The following FLYWCH1 variants were observed in gnomAD, a reference collection of about 807,000 sequenced individuals.
FLYWCH1 encodes FLYWCH-type zinc finger 1, also known as FLYWCH-type zinc finger-containing protein 1.
A neutral mutation model predicts 66.4 loss-of-function variants in FLYWCH1; 75 were observed. That is an observed-to-expected ratio of 1.13 (90% CI 0.94 to 1.37). The LOEUF (loss-of-function observed/expected upper bound fraction) is 1.37. Among genes scored for constraint, FLYWCH1 ranks in the 40% most tolerant of loss-of-function variants. FLYWCH1 has a pLI of 0.00. For missense variants in FLYWCH1, 1,334 were observed against 1,001.8 expected (o/e 1.33, Z -4.48); for synonymous variants, 595 against 429.9 (o/e 1.38, Z -4.75).
At chr16:2,947,819 G>C (rs954498464) in intron 9 of FLYWCH1, among the ~76,000 whole-genome samples, 1 of 150,544 alleles carries the variant, frequency 6.6e-6, no homozygotes, top group Non-Finnish European at 1.5e-5. Context: ...GATCACATGA[G>C]TTCAGGAGTT....
At chr16:2,920,841 T>A (rs2070345984) in intron 2 of FLYWCH1, among the ~76,000 whole-genome samples, 1 of 5,882 alleles carries the variant, frequency 1.7e-4, no homozygotes, top group Non-Finnish European at 6.4e-4. Flanking sequence ...ACGCCTGGCC[T>A]TTTTTTTTTT....
At chr16:2,924,935 C>A (rs544994845) in intron 2 of FLYWCH1, among the ~76,000 whole-genome samples, 1 of 152,220 alleles carries the variant, frequency 6.6e-6, no homozygotes, top group Admixed American at 6.5e-5. Context: ...GCGCTCTCTC[C>A]TGTCACTTCC....
At chr16:2,948,642 A>G (rs767166158) in intron 9 of FLYWCH1, 46 bp from the exon 10 acceptor site, 3 of 1,592,358 alleles carry the variant, frequency 1.9e-6, no homozygotes. Flanking sequence ...ATCTATTTCC[A>G]CCATGTTTTG....
chr16:2,936,153 C>A (rs112047133), intron 6 of FLYWCH1: 1 of 310,412 alleles, frequency 3.2e-6, no homozygotes, highest in East Asian at 9.1e-5. Flanking sequence ...CCTCGTGATC[C>A]GCCTGCCTCG....
intron 2 of FLYWCH1, among the ~76,000 whole-genome samples, chr16:2,918,368 C>G (rs1325579683): frequency 6.6e-6 from 1 of 151,830 alleles, no homozygotes. Flanking sequence ...AGGATGGTCT[C>G]GATCTCCTGA....
At position 2,933,846 on chromosome 16, in the gene FLYWCH1, C is replaced by A; in HGVS notation, c.1380C>A (p.Cys460Ter). ...WTCRDQARMG[C>*]RSRAITQGRR... is the part of the protein sequence containing the mutation. Reference sequence around the variant, plus strand: ...GCCGGGACCAGGCCCGCATGGGCTGCCGCAGCCGCGCCATCACCCAGGGCC... The same window carrying A: ...GCCGGGACCAGGCCCGCATGGGCTGACGCAGCCGCGCCATCACCCAGGGCC... The change falls in exon 6 of 10, where the codon TGC becomes TGA. Residue 460 changes from cysteine (C) to a stop codon, truncating the protein, a stop_gained. Coordinates refer to ENST00000253928, the MANE Select transcript of FLYWCH1 (RefSeq NM_001308068.2). LOFTEE classifies it high-confidence loss of function. 2 of 1,607,740 alleles carry A rather than the reference C, an allele frequency of 1.2e-6. No homozygotes were observed. Among genetic ancestry groups the A allele is most frequent in the African/African-American group, 1.3e-5 (1 of 74,916 alleles).
At chr16:2,948,432 A>C (rs1168221755) in intron 9 of FLYWCH1, among the ~76,000 whole-genome samples, 1 of 150,956 alleles carries the variant, frequency 6.6e-6, no homozygotes, top group Non-Finnish European at 1.5e-5. Context: ...GCATGATGGC[A>C]TGCACCTGTA....
chr16:2,918,271 C>T (rs2070243806), intron 2 of FLYWCH1, among the ~76,000 whole-genome samples: 1 of 151,878 alleles, frequency 6.6e-6, no homozygotes, highest in Admixed American at 6.6e-5. Context: ...CCTCAGCCTC[C>T]CGAGTAGCTG....
intron 1 of FLYWCH1, among the ~76,000 whole-genome samples, chr16:2,912,573 G>T (rs917092514): frequency 5.3e-5 from 8 of 152,278 alleles, no homozygotes; most frequent in Admixed American, 3.9e-4. Context: ...TTCGAACTTT[G>T]TTGACCCACA....
chr16:2,934,574 G>A (rs916919471), intron 6 of FLYWCH1: 7 of 446,784 alleles, frequency 1.6e-5, no homozygotes, highest in South Asian at 4.8e-5. Flanking sequence ...CCATTTCATC[G>A]TGGCCTCCTC....
At chr16:2,919,562 C>T (rs886070755) in intron 2 of FLYWCH1, among the ~76,000 whole-genome samples, 6 of 152,100 alleles carry the variant, frequency 3.9e-5, no homozygotes, top group Non-Finnish European at 5.9e-5. Flanking sequence ...CCGCGTCTGG[C>T]CTATTTTTTG....
intron 2 of FLYWCH1, among the ~76,000 whole-genome samples, chr16:2,919,888 C>G (rs767178009): frequency 6.6e-6 from 1 of 152,056 alleles, no homozygotes; most frequent in Non-Finnish European, 1.5e-5. Flanking sequence ...TTTAAATTTG[C>G]GCTTCCCCCG....
chr16:2,947,476 C>T (rs867007246), intron 9 of FLYWCH1, among the ~76,000 whole-genome samples: 9 of 152,092 alleles, frequency 5.9e-5, no homozygotes, highest in African/African-American at 2.2e-4. Flanking sequence ...AAGCAAAAAT[C>T]CCAGCCAGGT....
At chr16:2,942,231 G>C (rs2071297995) in intron 9 of FLYWCH1, among the ~76,000 whole-genome samples, 1 of 152,080 alleles carries the variant, frequency 6.6e-6, no homozygotes, top group Admixed American at 6.6e-5. Context: ...CCAGGCTGGA[G>C]TGCAGTGGTG....
intron 2 of FLYWCH1, among the ~76,000 whole-genome samples, chr16:2,917,227 A>G (rs980358735): frequency 1.1e-5 from 1 of 90,320 alleles, no homozygotes; most frequent in Non-Finnish European, 2.2e-5. Context: ...AAGCTTGTTA[A>G]TAATTTTTTT....
At chr16:2,932,013 G>A (rs2070777930) in intron 4 of FLYWCH1, among the ~76,000 whole-genome samples, 2 of 151,964 alleles carry the variant, frequency 1.3e-5, no homozygotes, top group South Asian at 4.1e-4. Flanking sequence ...AGCTACTCGG[G>A]AGGCTGAGGC....
chr16:2,922,622 T>A, intron 2 of FLYWCH1: 1 of 394,140 alleles, frequency 2.5e-6, no homozygotes. Context: ...GGTGAAAAGA[T>A]ATACATATAT....
chr16:2,947,346 G>T (rs918980227), intron 9 of FLYWCH1, among the ~76,000 whole-genome samples: 6 of 152,202 alleles, frequency 3.9e-5, no homozygotes, highest in Non-Finnish European at 8.8e-5. Context: ...AGGATTTGGG[G>T]TTTCTTTTGG....
chr16:2,939,327 C>A (rs977879540), intron 8 of FLYWCH1, among the ~76,000 whole-genome samples: 2 of 152,098 alleles, frequency 1.3e-5, no homozygotes, highest in Non-Finnish European at 2.9e-5. Context: ...TGCCTGTAAT[C>A]CCAGCTACGC....
Sources: gnomAD v4.1 joint callset for allele counts (sites outside exome capture counted in the v4.1 genomes callset) on GRCh38, gnomAD v4.1.1 for gene constraint, MANE v1.5 for transcripts, NCBI Gene and HGNC (gene_info 2026-07-23, HGNC 2026-07-21) for gene names.